The following MTOR variants were observed in gnomAD, a reference collection of about 807,000 sequenced individuals.
MTOR encodes mechanistic target of rapamycin kinase.
A neutral mutation model predicts 319.8 loss-of-function variants in MTOR; 70 were observed. That is an observed-to-expected ratio of 0.22 (90% CI 0.18 to 0.27). MTOR has a LOEUF of 0.27. MTOR is among the 10% of genes least tolerant of loss of function. The pLI, the probability that MTOR is intolerant of heterozygous loss-of-function variation, is 1.00. For missense variants in MTOR, 1,890 were observed against 3,274.4 expected, an observed-to-expected ratio of 0.58 and a Z score of 10.32; for synonymous variants, 1,183 against 1,211.4, an observed-to-expected ratio of 0.98 and a Z score of 0.49.
intron 28 of MTOR, chr1:11,193,824 G>A (rs1182050093): frequency 1.9e-6 from 3 of 1,579,980 alleles, no homozygotes; most frequent in African/African-American, 2.7e-5. Context: ...CACCACACAT[G>A]ACCGCGTACA....
intron 38 of MTOR, chr1:11,131,780 C>T (rs1643173732): frequency 6.6e-6 from 1 of 152,226 alleles, no homozygotes; most frequent in Admixed American, 6.5e-5. Context: ...GATAGTAGGA[C>T]ACTACGTGAC....
rs1209294854 is a variant in MTOR, at chr1:11,108,391, TGA to T, written c.7529-107_7529-106del. 1.4e-5 allele frequency: 13 copies of T among 898,562 alleles called. No homozygotes were observed. The East Asian group carries it at 3.3e-4, about 23-fold the overall frequency. The allele number at this position is 898,562 out of a possible 1,614,324, so 55.7% of individuals were successfully genotyped here. A position where few individuals can be genotyped will look rare whatever the true frequency, so the allele number is the denominator to read the frequency against. On this transcript the variant is annotated intron_variant, in intron 56 of 57. Coordinates refer to ENST00000361445, the MANE Select transcript of MTOR (RefSeq NM_004958.4). ...TATGCCAACAGCTTATCGTCAGACATGAAGATGAAGGATACCATCATAGTTGG... is the reference window on the plus strand; with the variant it reads ...TATGCCAACAGCTTATCGTCAGACATAGATGAAGGATACCATCATAGTTGG...
intron 56 of MTOR, among the ~76,000 whole-genome samples, chr1:11,108,739 A>G (rs1557734445): frequency 6.6e-6 from 1 of 150,442 alleles, no homozygotes; most frequent in Non-Finnish European, 1.5e-5. Flanking sequence ...AAGAAAAGAA[A>G]AAAAGAAAAA....
chr1:11,194,900 G>A (rs1164220674), intron 28 of MTOR: 2 of 1,614,172 alleles, frequency 1.2e-6, no homozygotes, highest in East Asian at 2.2e-5. Context: ...TCAATGGAGT[G>A]TACTACCGCC....
In MTOR at chr1:11,248,068, G is replaced by A. The variant is rs753193860; in HGVS notation, c.867C>T (p.Ile289=). 2.5e-6 allele frequency: 4 copies of A among 1,609,850 alleles called. No individual in the cohort carries two copies. The highest frequency in any genetic ancestry group is 3.4e-6 in the Non-Finnish European group (4 of 1,177,158). Residue 289 remains isoleucine, a synonymous_variant, in exon 7 of 58, where the codon ATC becomes ATT. Coordinates refer to ENST00000361445, the MANE Select transcript of MTOR (RefSeq NM_004958.4). Reference sequence around the variant, plus strand: ...TGTCGTGTACCAGCTGCTGCTGTGTGATTTCTTCCATTTCTTCTCTCAGAC... The same window carrying A: ...TGTCGTGTACCAGCTGCTGCTGTGTAATTTCTTCCATTTCTTCTCTCAGAC... ...GERLREEMEE[I]TQQQLVHDKY... is the part of the protein sequence containing the mutation.
Position 11,228,922 on chromosome 1 carries a change from G to T in MTOR, c.2780-4C>A, listed in dbSNP as rs771762668. 6.2e-7 allele frequency: 1 copy of T among 1,613,838 alleles called. No individual in the cohort carries two copies. Among genetic ancestry groups the T allele is most frequent in the African/African-American group, 1.3e-5 (1 of 74,936 alleles). On this transcript the variant is annotated splice_polypyrimidine_tract_variant and splice_region_variant and intron_variant, in intron 18 of 57. Transcript: ENST00000361445. ...ATTTCACTAGTGCTATAGTCAGCTAGGACAAAACAACAGAGAGTGTTAGAG... is the reference window on the plus strand; with the variant it reads ...ATTTCACTAGTGCTATAGTCAGCTATGACAAAACAACAGAGAGTGTTAGAG...
chr1:11,174,902 C>G (rs1306034899), intron 28 of MTOR, among the ~76,000 whole-genome samples: 2 of 152,194 alleles, frequency 1.3e-5, no homozygotes, highest in African/African-American at 2.4e-5. Context: ...AAACCAGACC[C>G]TGCTGATGCT....
At chr1:11,114,599 G>A in intron 52 of MTOR, 146 bp from the exon 53 acceptor site, 1 of 1,235,938 alleles carries the variant, frequency 8.1e-7, no homozygotes, top group Non-Finnish European at 1.1e-6. Context: ...AAGGAATCAG[G>A]GCAGGACTGT....
intron 13 of MTOR, among the ~76,000 whole-genome samples, chr1:11,236,137 CT>C (rs1224891837): frequency 0.026 from 3,611 of 138,280 alleles, 70 homozygotes; most frequent in Admixed American, 0.068. Flanking sequence ...TTATTTTTTC[CT>C]TTTTTTTTTT....
rs1217483546 is a variant in MTOR at position 11,237,992 on chromosome 1, G to A, written c.2059C>T (p.Leu687=). The change falls in exon 13 of 58, where the codon CTG becomes TTG. Residue 687 remains leucine (L), a synonymous_variant. Coordinates refer to ENST00000361445, the MANE Select transcript of MTOR (RefSeq NM_004958.4). ...GCCTGCAAGTTCTCCGCCTGGGCCA[G>A]GTGTGCATCAAAGCGCTCGTCCAGG... ...ASLDERFDAH[L]AQAENLQALF... is the part of the protein sequence containing the mutation. The A allele has an allele frequency of 6.8e-6, 11 of 1,614,102 alleles. No individual in the cohort carries two copies. Among genetic ancestry groups the A allele is most frequent in the Non-Finnish European group, 5.1e-6 (6 of 1,180,050 alleles).
rs1200507532 is a variant in MTOR, at chr1:11,247,665, C to T, written c.1185G>A (p.Leu395=). The T allele has an allele frequency of 6.2e-7, 1 of 1,614,152 alleles. No homozygotes were observed. The highest frequency in any genetic ancestry group is 2.2e-5 in the East Asian group (1 of 44,884). ...GTCGGAATGCAGCCAAGCGGGGCAACAAATTAAGGATTGTCATTTGGATCA... is the reference window on the plus strand; with the variant it reads ...GTCGGAATGCAGCCAAGCGGGGCAATAAATTAAGGATTGTCATTTGGATCA... ...NSLIQMTILN[L]LPRLAAFRPS... is the part of the protein sequence containing the mutation. The change falls in exon 8 of 58, where the codon TTG becomes TTA. Residue 395 remains leucine, a synonymous_variant. Coordinates refer to ENST00000361445, the MANE Select transcript of MTOR (RefSeq NM_004958.4).
intron 34 of MTOR, among the ~76,000 whole-genome samples, chr1:11,142,951 A>G (rs936913465): frequency 2.0e-5 from 3 of 152,192 alleles, no homozygotes; most frequent in African/African-American, 7.2e-5. Flanking sequence ...AAATGATTTG[A>G]CCACAAAATG....
chr1:11,255,874 A>T, intron 5 of MTOR, 118 bp downstream of exon 5: 24 of 804,986 alleles, frequency 3.0e-5, no homozygotes, highest in Non-Finnish European at 4.1e-5. Context: ...AATTCATTTG[A>T]GAGCAAACCA....
rs373390383 is a variant in MTOR, at chr1:11,128,059, T to C, written c.5978A>G (p.Lys1993Arg). The C allele has an allele frequency of 2.5e-5, 40 of 1,614,074 alleles. No individual in the cohort carries two copies. In the Admixed American group the frequency reaches 2.8e-4, roughly 11 times the overall value. Residue 1993 changes from lysine to arginine, a missense_variant, in exon 43 of 58, where the codon AAG (lysine) becomes AGG (arginine). Physicochemically the swap from Lys to Arg is conservative, Grantham distance 26 (BLOSUM62 2). This residue lies in a region of MTOR where 249 missense variants were observed against 596.2 expected (regional missense o/e 0.42). Transcript: ENST00000361445. The surrounding 1 kb of genome is among the most constrained non-coding windows in gnomAD (Gnocchi z 5.3). Reference protein sequence around the residue: ...TTTARHNAANKILKNMCEHSN... With the variant: ...TTTARHNAANRILKNMCEHSN... ...GTGCTCACACATGTTCTTCAGAATCTTGTTGGCTGCATTGTGCCGGGCTGT... is the reference window on the plus strand; with the variant it reads ...GTGCTCACACATGTTCTTCAGAATCCTGTTGGCTGCATTGTGCCGGGCTGT...
intron 28 of MTOR, among the ~76,000 whole-genome samples, chr1:11,175,813 C>T (rs1036071641): frequency 6.0e-5 from 9 of 150,978 alleles, no homozygotes; most frequent in Non-Finnish European, 8.8e-5. Flanking sequence ...GGCGCAATCT[C>T]GGCTCACCGC....
At position 11,259,374 on chromosome 1, in the gene MTOR, AGCGGTGGTGGCG is replaced by A; in HGVS notation, c.24_35del (p.Ala12_Thr15del). On this transcript the variant is annotated inframe_deletion, in exon 2 of 58. Transcript: ENST00000361445. ...CGCTCACATTGCTAGATGTGGTGGC[AGCGGTGGTGGCG>A]GCGGCAGGTCCGGTTCCAAGCATCT... The A allele has an allele frequency of 1.3e-6, 2 of 1,597,116 alleles. No homozygotes were observed. Among genetic ancestry groups the A allele is most frequent in the Non-Finnish European group, 1.7e-6 (2 of 1,173,790 alleles).
chr1:11,183,830 T>A (rs887910623), intron 28 of MTOR, among the ~76,000 whole-genome samples: 9 of 152,100 alleles, frequency 5.9e-5, no homozygotes, highest in Admixed American at 4.6e-4. Context: ...AAAAAAAAAA[T>A]TTTCTTCCCC....
At chr1:11,147,331 C>T (rs1643965765) in intron 31 of MTOR, among the ~76,000 whole-genome samples, 1 of 152,180 alleles carries the variant, frequency 6.6e-6, no homozygotes, top group South Asian at 2.1e-4. Context: ...TTTTAAGCGA[C>T]TCCATTATAA....
At chr1:11,261,077 C>T (rs374614615) in intron 1 of MTOR, among the ~76,000 whole-genome samples, 2 of 151,886 alleles carry the variant, frequency 1.3e-5, no homozygotes, top group African/African-American at 4.8e-5. Context: ...CAGGTGTGAG[C>T]CACCATGCCC....
Sources: allele counts gnomAD v4.1 joint callset (sites outside exome capture counted in the v4.1 genomes callset), GRCh38; gene constraint gnomAD v4.1.1; regional missense constraint gnomAD v4.1.1; non-coding constraint Gnocchi (gnomAD v3.1); transcripts MANE v1.5; gene names NCBI Gene and HGNC (gene_info 2026-07-23, HGNC 2026-07-21).